Variants in SHANK2 observed in about 807,000 individuals in gnomAD.
The protein encoded by SHANK2 is SH3 and multiple ankyrin repeat domains 2.
Under a neutral mutation model 133.7 loss-of-function variants are expected in SHANK2, and 43 were observed. The ratio of observed to expected loss-of-function variants is 0.32; its 90% CI spans 0.25 to 0.41. The LOEUF (loss-of-function observed/expected upper bound fraction) is 0.41, where lower values mean the gene tolerates loss of function less well. SHANK2 is among the 10% of genes least tolerant of loss of function. SHANK2 has a pLI of 1.00. For missense variants in SHANK2, 1,994 were observed against 2,235.8 expected (o/e 0.89, Z 2.18); for synonymous variants, 1,017 against 952.8 (o/e 1.07, Z -1.24).
intron 1 of SHANK2, among the ~76,000 whole-genome samples, chr11:71,241,203 C>A (rs1954885530): frequency 1.3e-5 from 2 of 152,166 alleles, no homozygotes; most frequent in Admixed American, 6.5e-5. Context: ...ATGTTCCCTG[C>A]AGCACAGTCT....
chr11:70,772,071 T>C (rs1414958985), intron 14 of SHANK2, among the ~76,000 whole-genome samples: 1 of 152,136 alleles, frequency 6.6e-6, no homozygotes, highest in Non-Finnish European at 1.5e-5. Context: ...TTAAAATGAT[T>C]CAGAGTCTCC....
intron 1 of SHANK2, among the ~76,000 whole-genome samples, chr11:71,251,980 G>A (rs1948191093): frequency 6.6e-6 from 1 of 152,082 alleles, no homozygotes; most frequent in African/African-American, 2.4e-5. Flanking sequence ...GCTGGCCCGG[G>A]TCCTAGGGCT....
intron 2 of SHANK2, among the ~76,000 whole-genome samples, chr11:71,164,455 C>G (rs573161772): frequency 6.6e-6 from 1 of 152,214 alleles, no homozygotes; most frequent in Non-Finnish European, 1.5e-5. Flanking sequence ...ACCCAGCGGG[C>G]CCCAGTGTCC....
chr11:70,572,343 A>T (rs2060056059), intron 17 of SHANK2, among the ~76,000 whole-genome samples: 1 of 152,172 alleles, frequency 6.6e-6, no homozygotes, highest in South Asian at 2.1e-4. Context: ...CATTTTTAGT[A>T]GAGATGGGGT....
chr11:70,647,623 G>T lies in SHANK2; in HGVS notation c.2061+12205C>A, dbSNP rs1451251277. 10 of 152,368 alleles carry T rather than the reference G, an allele frequency of 6.6e-5. No homozygotes were observed. The East Asian group carries it at 1.9e-3, about 29-fold the overall frequency. 9.4% of individuals were successfully genotyped at this position (152,368 alleles called of 1,614,324 possible). On this transcript the variant is annotated intron_variant, in intron 17 of 25. Coordinates refer to ENST00000601538, the MANE Select transcript of SHANK2 (RefSeq NM_012309.5). ...AAAACGGTGCTGGCACACAGTAGGT[G>T]CTCAAGCAGCGCAAGCATTTTACAC...
intron 3 of SHANK2, among the ~76,000 whole-genome samples, chr11:71,143,100 C>G (rs555933459): frequency 6.6e-6 from 1 of 152,116 alleles, no homozygotes; most frequent in African/African-American, 2.4e-5. Flanking sequence ...CCGGGCATGG[C>G]GGCAGGCGCC....
chr11:71,086,355 GTTATA>G (rs1412770632), intron 8 of SHANK2, among the ~76,000 whole-genome samples: 5 of 123,228 alleles, frequency 4.1e-5, no homozygotes, highest in East Asian at 2.3e-4. Flanking sequence ...TATAGTATAT[GTTATA>G]TTATATATGA....
intron 1 of SHANK2, among the ~76,000 whole-genome samples, chr11:71,241,419 C>T (rs1429739389): frequency 6.6e-6 from 1 of 152,126 alleles, no homozygotes; most frequent in Admixed American, 6.5e-5. Context: ...CCCACACAGG[C>T]GACCCAAGGC....
At position 70,942,693 on chromosome 11, in the gene SHANK2, T is replaced by C. The variant is rs78941754; in HGVS notation, c.1108-46126A>G. 1.2e-3 allele frequency: 529 copies of C among 456,834 alleles called. 5 individuals carry two copies. The highest frequency in any genetic ancestry group is 8.4e-3 in the African/African-American group (423 of 50,198). 28.3% of individuals were successfully genotyped at this position (456,834 alleles called of 1,614,324 possible). A position where few individuals can be genotyped will look rare whatever the true frequency, so the allele number is the denominator to read the frequency against. ...TTCAGGGACAGATACTTCTTCAGGATAGAAACAGTGGATTATAAGTATCTC... is the reference window on the plus strand; with the variant it reads ...TTCAGGGACAGATACTTCTTCAGGACAGAAACAGTGGATTATAAGTATCTC... On this transcript the variant is annotated intron_variant, in intron 10 of 25. Transcript: ENST00000601538.
At chr11:70,716,594 A>T (rs2134625148) in intron 14 of SHANK2, among the ~76,000 whole-genome samples, 1 of 152,240 alleles carries the variant, frequency 6.6e-6, no homozygotes, top group East Asian at 1.9e-4. Flanking sequence ...GGTGGGTCCC[A>T]CTGGTGCTAA....
chr11:70,870,832 A>G (rs1166015652), intron 11 of SHANK2, among the ~76,000 whole-genome samples: 7 of 152,166 alleles, frequency 4.6e-5, no homozygotes, highest in African/African-American at 1.7e-4. Context: ...GCTGGAGTGC[A>G]GTGGCACGAT....
At chr11:70,620,142 C>A (rs782533132) in intron 17 of SHANK2, among the ~76,000 whole-genome samples, 2 of 152,030 alleles carry the variant, frequency 1.3e-5, no homozygotes, top group Non-Finnish European at 2.9e-5. Context: ...AGGCCCTGCT[C>A]CTGACACCAT....
chr11:70,533,450 C>G (rs1407965702), intron 17 of SHANK2, among the ~76,000 whole-genome samples: 2 of 152,106 alleles, frequency 1.3e-5, no homozygotes, highest in African/African-American at 2.4e-5. Flanking sequence ...GGTGCAAATT[C>G]TACATCCTTA....
intron 2 of SHANK2, among the ~76,000 whole-genome samples, chr11:71,187,772 G>C (rs1555114712): frequency 6.6e-6 from 1 of 152,206 alleles, no homozygotes. Flanking sequence ...TAAGATGTTT[G>C]TACTGCGAGC....
At chr11:71,222,878 A>G (rs1313294852) in intron 2 of SHANK2, among the ~76,000 whole-genome samples, 1 of 152,246 alleles carries the variant, frequency 6.6e-6, no homozygotes. Flanking sequence ...GCTTCTGCAC[A>G]AGGGACAAGT....
intron 1 of SHANK2, 30 bp from the exon 2 acceptor site, chr11:71,224,826 G>C (rs1954614704): frequency 6.6e-6 from 1 of 152,210 alleles, no homozygotes; most frequent in African/African-American, 2.4e-5. Flanking sequence ...CCGGGGCATG[G>C]TCAGACACAG....
chr11:70,911,911 G>A (rs782703760), intron 10 of SHANK2, among the ~76,000 whole-genome samples: 1 of 151,546 alleles, frequency 6.6e-6, no homozygotes, highest in Non-Finnish European at 1.5e-5. Context: ...GTAAAATCCC[G>A]TCTCTACTAA....
At chr11:71,163,071 TAA>T (rs1159852026) in intron 2 of SHANK2, among the ~76,000 whole-genome samples, 3 of 45,574 alleles carry the variant, frequency 6.6e-5, no homozygotes, top group African/African-American at 2.4e-4. Context: ...AGACTCTGTC[TAA>T]AAAAAAAAAA....
chr11:71,064,925 G>A (rs942158622), intron 9 of SHANK2, among the ~76,000 whole-genome samples: 6 of 152,280 alleles, frequency 3.9e-5, no homozygotes, highest in South Asian at 2.1e-4. Context: ...GGGAGACTCC[G>A]ACTGGGGACT....
Sources: allele counts gnomAD v4.1 joint callset (sites outside exome capture counted in the v4.1 genomes callset), GRCh38; gene constraint gnomAD v4.1.1; transcripts MANE v1.5; gene names NCBI Gene and HGNC (gene_info 2026-07-23, HGNC 2026-07-21).